GPD2: variants seen among roughly 807,000 people sequenced by gnomAD.
The protein encoded by GPD2 is glycerol-3-phosphate dehydrogenase, mitochondrial.
Under a neutral mutation model 82.4 loss-of-function variants are expected in GPD2, and 54 were observed. The ratio of observed to expected loss-of-function variants is 0.66; its 90% CI spans 0.53 to 0.82. The LOEUF (loss-of-function observed/expected upper bound fraction) is 0.82. GPD2 is among the 40% of genes least tolerant of loss of function. The pLI is 0.00. For synonymous variants in GPD2, 288 were observed against 306.1 expected (o/e 0.94, Z 0.62); for missense variants, 748 against 896.2 (o/e 0.83, Z 2.11).
intron 1 of GPD2, among the ~76,000 whole-genome samples, chr2:156,465,607 G>T (rs1026012235): frequency 2.2e-4 from 33 of 152,044 alleles, no homozygotes; most frequent in Non-Finnish European, 4.4e-4. Flanking sequence ...GGGTCCTCCT[G>T]CCTGGGTTTC....
intron 2 of GPD2, among the ~76,000 whole-genome samples, chr2:156,478,185 G>C (rs1418946600): frequency 6.6e-6 from 1 of 152,102 alleles, no homozygotes; most frequent in Non-Finnish European, 1.5e-5. Context: ...GTTATAGGTG[G>C]ATTTTATTCA....
At chr2:156,557,331 AG>A (rs1686999406) in intron 8 of GPD2, 57 bp from the exon 9 acceptor site, 1 of 1,027,356 alleles carries the variant, frequency 9.7e-7, no homozygotes, top group Non-Finnish European at 1.5e-6. Flanking sequence ...TTTCGAATGC[AG>A]ATTAATGTTA....
At chr2:156,435,440 GTT>G (rs1175590351), upstream of GPD2, 7 of 141,946 alleles carry the variant, frequency 4.9e-5, no homozygotes, top group Admixed American at 7.0e-5. Context: ...GGGCAGGGTC[GTT>G]TTTTTTTTTT....
the GPD2 span, among the ~76,000 whole-genome samples, chr2:156,401,010 C>T: frequency 6.6e-6 from 1 of 152,146 alleles, no homozygotes; most frequent in African/African-American, 2.4e-5. Context: ...CTTGACTGCT[C>T]GAAGTAAAAG....
upstream of GPD2, among the ~76,000 whole-genome samples, chr2:156,432,222 C>T (rs1045593410): frequency 1.3e-5 from 2 of 152,054 alleles, no homozygotes; most frequent in Non-Finnish European, 2.9e-5. Context: ...TGATCATAAA[C>T]CTCTACATTT....
Position 156,549,645 on chromosome 2 carries a change from T to C in GPD2, c.699T>C (p.Ala233=). The C allele has an allele frequency of 6.2e-7, 1 of 1,614,098 alleles. No individual in the cohort carries two copies. Among genetic ancestry groups the C allele is most frequent in the East Asian group, 2.2e-5 (1 of 44,878 alleles). Residue 233 remains alanine, a synonymous_variant, in exon 7 of 17, where the codon GCT becomes GCC. Coordinates refer to ENST00000438166, the MANE Select transcript of GPD2 (RefSeq NM_000408.5). The part of the protein sequence containing the change: ...HNDARMNLAI[A]LTAARYGAAT... ...ATGCACGGATGAACCTTGCCATTGC[T>C]CTGACTGCTGCCAGGTATGGGGCTG...
At chr2:156,424,927 AAATTC>A in the GPD2 span, among the ~76,000 whole-genome samples, 1 of 152,160 alleles carries the variant, frequency 6.6e-6, no homozygotes, top group Non-Finnish European at 1.5e-5. Flanking sequence ...ATCTACCTCT[AAATTC>A]AATAACTTAA....
intron 6 of GPD2, among the ~76,000 whole-genome samples, chr2:156,540,415 T>C (rs1686261852): frequency 6.6e-6 from 1 of 152,208 alleles, no homozygotes; most frequent in African/African-American, 2.4e-5. Flanking sequence ...TCCTATGGGA[T>C]GGTAGAATGC....
chr2:156,568,793 T>A (rs1355337009), intron 9 of GPD2, 32 bp from the exon 10 acceptor site: 1 of 1,598,646 alleles, frequency 6.3e-7, no homozygotes. Flanking sequence ...TTTTGAGCAA[T>A]GTTCATAACC....
chr2:156,401,200 C>G, the GPD2 span, among the ~76,000 whole-genome samples: 2 of 152,170 alleles, frequency 1.3e-5, no homozygotes, highest in Non-Finnish European at 2.9e-5. Context: ...GAGAATTCTA[C>G]CACTGAACCA....
the GPD2 span, among the ~76,000 whole-genome samples, chr2:156,407,638 A>G: frequency 6.6e-6 from 1 of 152,236 alleles, no homozygotes; most frequent in African/African-American, 2.4e-5. Flanking sequence ...GTGAGGTACC[A>G]TAATTACCTG....
chr2:156,484,343 G>A (rs956732300), intron 2 of GPD2, among the ~76,000 whole-genome samples: 2 of 151,950 alleles, frequency 1.3e-5, no homozygotes, highest in African/African-American at 4.8e-5. Context: ...CGCCATGTTG[G>A]CCAGGCTGGT....
In GPD2 at chr2:156,582,047, A is replaced by G. The variant is rs146288357; in HGVS notation, c.2059-746A>G. ...GAATAGCTAAATCTTTTCTTTTTAA[A>G]ACAAATAAAAAAGATTAGGGAAGTG... On this transcript the variant is annotated intron_variant, in intron 16 of 16. Coordinates refer to ENST00000438166, the MANE Select transcript of GPD2 (RefSeq NM_000408.5). 8.9e-3 allele frequency among the ~76,000 whole-genome samples: 1,349 copies of G among 152,106 alleles called. 10 individuals carry two copies. Among genetic ancestry groups the G allele is most frequent in the Non-Finnish European group, 0.014 (979 of 67,982 alleles).
chr2:156,580,765 T>C (rs551327614), intron 16 of GPD2, among the ~76,000 whole-genome samples: 1 of 152,318 alleles, frequency 6.6e-6, no homozygotes, highest in East Asian at 1.9e-4. Context: ...TGAATCTAAA[T>C]GCAGAAAATT....
intron 6 of GPD2, among the ~76,000 whole-genome samples, chr2:156,531,256 G>C (rs937260619): frequency 6.6e-5 from 10 of 152,100 alleles, no homozygotes; most frequent in African/African-American, 2.4e-4. Context: ...AAAATCCACA[G>C]ATTGGTGTTA....
At chr2:156,532,978 G>A (rs192741568) in intron 6 of GPD2, among the ~76,000 whole-genome samples, 2 of 152,190 alleles carry the variant, frequency 1.3e-5, no homozygotes, top group African/African-American at 2.4e-5. Context: ...AGCAGGTGAG[G>A]CCTAAAGCCT....
rs149692842 is a variant in GPD2, at chr2:156,550,240, A to G, written c.827-362A>G. Among the ~76,000 whole-genome samples, 1,009 of 152,328 alleles carry G rather than the reference A, an allele frequency of 6.6e-3. 3 individuals are homozygous for G. The highest frequency in any genetic ancestry group is 0.02 in the Middle Eastern group (6 of 294). ...ATATCGTTTCTTGAACAAAAGCTCTATGATATACATTTTCTCACAGCAGTG... is the reference window on the plus strand; with the variant it reads ...ATATCGTTTCTTGAACAAAAGCTCTGTGATATACATTTTCTCACAGCAGTG... On this transcript the variant is annotated intron_variant, in intron 7 of 16. Transcript: ENST00000438166.
intron 3 of GPD2, among the ~76,000 whole-genome samples, chr2:156,505,675 C>T (rs1002939409): frequency 6.6e-6 from 1 of 152,196 alleles, no homozygotes; most frequent in Non-Finnish European, 1.5e-5. Context: ...TCTCCCCAGC[C>T]TCCTCAAATC....
At chr2:156,542,004 A>G (rs1686342687) in intron 6 of GPD2, among the ~76,000 whole-genome samples, 1 of 151,946 alleles carries the variant, frequency 6.6e-6, no homozygotes, top group Admixed American at 6.6e-5. Flanking sequence ...GTTCAGCTCT[A>G]GCTTCTAAGT....
Sources: allele counts gnomAD v4.1 joint callset (sites outside exome capture counted in the v4.1 genomes callset), GRCh38; gene constraint gnomAD v4.1.1; transcripts MANE v1.5; gene names NCBI Gene and HGNC (gene_info 2026-07-23, HGNC 2026-07-21).